KMT2C: variants seen among roughly 807,000 people sequenced by gnomAD.
The protein encoded by KMT2C is lysine methyltransferase 2C, also known as histone-lysine N-methyltransferase 2C.
Under a neutral mutation model 507.9 loss-of-function variants are expected in KMT2C, and 88 were observed. The ratio of observed to expected loss-of-function variants is 0.17; its 90% CI spans 0.15 to 0.21. The LOEUF (loss-of-function observed/expected upper bound fraction) is 0.21, where lower values mean the gene tolerates loss of function less well. Among genes scored for constraint, KMT2C ranks in the 10% least tolerant of loss-of-function variants. The pLI is 1.00. For synonymous variants in KMT2C, 2,049 were observed against 2,080.8 expected (o/e 0.98, Z 0.42); for missense variants, 4,954 against 5,957.8 (o/e 0.83, Z 5.55).
At chr7:152,287,458 G>A (rs1272398267) in intron 6 of KMT2C, among the ~76,000 whole-genome samples, 1 of 152,088 alleles carries the variant, frequency 6.6e-6, no homozygotes, top group Non-Finnish European at 1.5e-5. Flanking sequence ...ACATACACCT[G>A]GGAGTAGTAA....
At position 152,391,142 on chromosome 7, in the gene KMT2C, CAAAAAAAAA is replaced by C. The variant is rs1195125465; in HGVS notation, c.162-32476_162-32468del. On this transcript the variant is annotated intron_variant, in intron 1 of 58. Coordinates refer to ENST00000262189, the MANE Select transcript of KMT2C (RefSeq NM_170606.3). ...CTGGGCGACAGAGTGAGACTGTCTC[CAAAAAAAAA>C]AAAAAAAAAAAAAAAAGCCTTAAAA... is the stretch of plus-strand genomic sequence containing the variant. Among the ~76,000 whole-genome samples the C allele has an allele frequency of 1.4e-3, 49 of 34,768 alleles. 1 individual carries two copies. The highest frequency in any genetic ancestry group is 3.8e-3 in the African/African-American group (36 of 9,528). 22.8% of individuals were successfully genotyped at this position (34,768 alleles called of 152,430 possible). A position where few individuals can be genotyped will look rare whatever the true frequency, so the allele number is the denominator to read the frequency against.
intron 3 of KMT2C, among the ~76,000 whole-genome samples, chr7:152,318,837 T>C (rs115435857): frequency 6.6e-6 from 1 of 152,060 alleles, no homozygotes; most frequent in Non-Finnish European, 1.5e-5. Flanking sequence ...ATGAAAAAGA[T>C]GTTACACACT....
intron 1 of KMT2C, chr7:152,367,514 A>G: frequency 9.4e-7 from 1 of 1,062,026 alleles, no homozygotes; most frequent in Admixed American, 1.7e-5. Flanking sequence ...CACCTTACCC[A>G]GAGAGGCGAA....
chr7:152,234,914 G>C (rs1188761052), intron 16 of KMT2C, among the ~76,000 whole-genome samples: 1 of 151,974 alleles, frequency 6.6e-6, no homozygotes, highest in Non-Finnish European at 1.5e-5. Flanking sequence ...AAGTGCACAG[G>C]TCTACAACCA....
intron 7 of KMT2C, among the ~76,000 whole-genome samples, chr7:152,269,786 T>G (rs1160674212): frequency 6.6e-6 from 1 of 151,796 alleles, no homozygotes; most frequent in Non-Finnish European, 1.5e-5. Context: ...CTAAATGAAG[T>G]AAAGGGAGCA....
intron 2 of KMT2C, among the ~76,000 whole-genome samples, chr7:152,335,013 A>G (rs1256461210): frequency 6.6e-6 from 1 of 152,158 alleles, no homozygotes; most frequent in Non-Finnish European, 1.5e-5. Context: ...GCCGTGAAAC[A>G]CTGATAATGG....
At chr7:152,409,618 C>T (rs573633594) in intron 1 of KMT2C, among the ~76,000 whole-genome samples, 1 of 151,656 alleles carries the variant, frequency 6.6e-6, no homozygotes, top group Non-Finnish European at 1.5e-5. Flanking sequence ...GTAGTCCCAG[C>T]TTCTTGGGAG....
chr7:152,391,806 C>T (rs1196802504), intron 1 of KMT2C, among the ~76,000 whole-genome samples: 1 of 152,076 alleles, frequency 6.6e-6, no homozygotes, highest in Non-Finnish European at 1.5e-5. Context: ...CCACTGTGGC[C>T]GTTCTTGTTT....
chr7:152,227,633 C>A (rs2094973227), intron 18 of KMT2C, among the ~76,000 whole-genome samples: 1 of 152,176 alleles, frequency 6.6e-6, no homozygotes, highest in Non-Finnish European at 1.5e-5. Context: ...TCAATGGCCT[C>A]GCTGAGGTTA....
intron 23 of KMT2C, among the ~76,000 whole-genome samples, chr7:152,217,040 C>T (rs2129143804): frequency 6.6e-6 from 1 of 152,266 alleles, no homozygotes. Context: ...AAAAATTTGC[C>T]TAAAAACACC....
In KMT2C at chr7:152,174,256, ATAAAGT is replaced by A; in HGVS notation, c.9263-20_9263-15del. Reference sequence around the variant, plus strand: ...TTGCATCAAAATCTAGAAAAGAAATATAAAGTTACTTATTTCATAGTAATTAGTTCA... The same window carrying A: ...TTGCATCAAAATCTAGAAAAGAAATATACTTATTTCATAGTAATTAGTTCA... On this transcript the variant is annotated splice_polypyrimidine_tract_variant and intron_variant, in intron 38 of 58. Coordinates refer to ENST00000262189, the MANE Select transcript of KMT2C (RefSeq NM_170606.3). 1 of 1,339,642 alleles carries A rather than the reference ATAAAGT, an allele frequency of 7.5e-7. No homozygotes were observed. The highest frequency in any genetic ancestry group is 1.1e-6 in the Non-Finnish European group (1 of 938,822). 83.0% of individuals were successfully genotyped at this position (1,339,642 alleles called of 1,614,324 possible). A position where few individuals can be genotyped will look rare whatever the true frequency, so the allele number is the denominator to read the frequency against.
chr7:152,426,017 T>C (rs908590803), intron 1 of KMT2C, among the ~76,000 whole-genome samples: 3 of 152,094 alleles, frequency 2.0e-5, no homozygotes, highest in Admixed American at 2.0e-4. Flanking sequence ...ATAAAAAACT[T>C]TGGAATAATA....
chr7:152,250,930 T>A lies in KMT2C; in HGVS notation c.1658A>T (p.Asp553Val). The A allele has an allele frequency of 6.2e-7, 1 of 1,609,024 alleles. No homozygotes were observed. The highest frequency in any genetic ancestry group is 8.5e-7 in the Non-Finnish European group (1 of 1,175,456). ...TGCCTGCTCTGAGAATACCATTTGA[T>A]CTTCAGGGCCTTCAACTTCCATTTC... ...NNEMEVEGPEDQMVFSEQAAN... is the reference protein window; with the variant it reads ...NNEMEVEGPEVQMVFSEQAAN... The change falls in exon 12 of 59, where the codon GAT (aspartate) becomes GTT (valine). Residue 553 changes from aspartate (D) to valine (V), a missense_variant. Physicochemically the swap from Asp to Val is radical, Grantham distance 152 (BLOSUM62 -3). This residue lies in a region of KMT2C where 376 missense variants were observed against 352.4 expected (regional missense o/e 1.07). Transcript: ENST00000262189.
rs756172945 is a variant in KMT2C at position 152,205,131 on chromosome 7, G to A, written c.3936C>T (p.Ser1312=). 19 of 1,611,926 alleles carry A rather than the reference G, an allele frequency of 1.2e-5. No homozygotes were observed. Among genetic ancestry groups the A allele is most frequent in the East Asian group, 1.1e-4 (5 of 44,776 alleles). ...CATCATCTCTGCAAGGTAACTGCTC[G>A]GAAATAGAGCCTGAGGAATCTTTTC... ...VIRKDSSGSI[S]EQLPCRDDGW... The change falls in exon 25 of 59, where the codon TCC becomes TCT. Residue 1312 remains serine (S), a synonymous_variant. Coordinates refer to ENST00000262189, the MANE Select transcript of KMT2C (RefSeq NM_170606.3).
chr7:152,154,988 C>A (rs1274629274), intron 46 of KMT2C: 1 of 152,346 alleles, frequency 6.6e-6, no homozygotes, highest in African/African-American at 2.4e-5. Context: ...ACTTGATCGG[C>A]CCTTATTTTT....
chr7:152,193,418 TAGAA>T (rs1391634101), intron 31 of KMT2C, among the ~76,000 whole-genome samples: 1 of 152,098 alleles, frequency 6.6e-6, no homozygotes, highest in African/African-American at 2.4e-5. Flanking sequence ...TCTACAGGGA[TAGAA>T]AGGTCACTGA....
At chr7:152,347,695 T>C (rs568867748) in intron 2 of KMT2C, among the ~76,000 whole-genome samples, 16 of 152,364 alleles carry the variant, frequency 1.1e-4, no homozygotes, top group South Asian at 2.1e-4. Context: ...TGCTTAAGTT[T>C]TGATAAATTT....
rs2091621268 is a variant in KMT2C, at chr7:152,151,552, C to G, written c.12556G>C (p.Gly4186Arg). Residue 4186 changes from glycine (G) to arginine (R), a missense_variant, in exon 50 of 59, where the codon GGT (glycine) becomes CGT (arginine). Physicochemically the swap from Gly to Arg is moderately radical, Grantham distance 125. Transcript: ENST00000262189. ...CTGAGTGCTGCGCTTTCTGCAATAC[C>G]ATGACTAGAATCCTTATATCCAGAA... ...GLSGYKDSSHGIAESAALRPQ... is the reference protein window; with the variant it reads ...GLSGYKDSSHRIAESAALRPQ... 2 of 1,614,052 alleles carry G rather than the reference C, an allele frequency of 1.2e-6. No individual in the cohort carries two copies. Among genetic ancestry groups the G allele is most frequent in the East Asian group, 4.5e-5 (2 of 44,874 alleles).
At chr7:152,316,021 C>T (rs2096719601) in intron 3 of KMT2C, among the ~76,000 whole-genome samples, 1 of 152,140 alleles carries the variant, frequency 6.6e-6, no homozygotes, top group Non-Finnish European at 1.5e-5. Context: ...TATTTAACCA[C>T]TTGATAGAAC....
Sources: allele counts gnomAD v4.1 joint callset (sites outside exome capture counted in the v4.1 genomes callset), GRCh38; gene constraint gnomAD v4.1.1; regional missense constraint gnomAD v4.1.1; transcripts MANE v1.5; gene names NCBI Gene and HGNC (gene_info 2026-07-23, HGNC 2026-07-21).